The following RAB11FIP3 variants were observed in gnomAD, a reference collection of about 807,000 sequenced individuals.
The protein encoded by RAB11FIP3 is RAB11 family interacting protein 3, also known as rab11 family-interacting protein 3.
RAB11FIP3 carries 17 observed loss-of-function variants against 77.8 expected under a neutral mutation model. That is an observed-to-expected ratio of 0.22 (90% CI 0.15 to 0.33). The LOEUF is 0.33. Among genes scored for constraint, RAB11FIP3 ranks in the 10% least tolerant of loss-of-function variants. The pLI, the probability that RAB11FIP3 is intolerant of heterozygous loss-of-function variation, is 1.00. For missense variants in RAB11FIP3, 1,005 were observed against 1,011.2 expected, an observed-to-expected ratio of 0.99 and a Z score of 0.08; for synonymous variants, 437 against 448.2, an observed-to-expected ratio of 0.98 and a Z score of 0.31.
intron 3 of RAB11FIP3, among the ~76,000 whole-genome samples, chr16:479,620 A>C (rs912068677): frequency 3.3e-5 from 5 of 152,110 alleles, no homozygotes; most frequent in Non-Finnish European, 7.4e-5. Flanking sequence ...CTATTTTATT[A>C]AAATAAAAAA....
chr16:439,778 G>A (rs900424523), intron 1 of RAB11FIP3, among the ~76,000 whole-genome samples: 32 of 151,958 alleles, frequency 2.1e-4, no homozygotes, highest in Non-Finnish European at 3.4e-4. Flanking sequence ...ACAACTCCAA[G>A]CAAAGGCAGG....
chr16:442,638 G>A (rs538534760), intron 1 of RAB11FIP3, among the ~76,000 whole-genome samples: 5 of 152,248 alleles, frequency 3.3e-5, no homozygotes, highest in East Asian at 1.9e-4. Context: ...TTTTTCTGAC[G>A]TAGTGGCAGT....
intron 1 of RAB11FIP3, among the ~76,000 whole-genome samples, chr16:436,363 G>A (rs1367257149): frequency 6.6e-6 from 1 of 152,182 alleles, no homozygotes; most frequent in Non-Finnish European, 1.5e-5. Flanking sequence ...GGAGTGCAGT[G>A]GTGTGATCAT....
rs748071906 is a variant in RAB11FIP3, at chr16:496,894, C to G, written c.1301+35C>G. On this transcript the variant is annotated intron_variant, in intron 6 of 13. Coordinates refer to ENST00000262305, the MANE Select transcript of RAB11FIP3 (RefSeq NM_014700.4). ...TCTCTGGTTCCTGCTGAAAAACGTT[C>G]TGAAGTGGATAATTAATCATAGTTT... 4 of 1,517,318 alleles carry G rather than the reference C, an allele frequency of 2.6e-6. No homozygotes were observed. In the African/African-American group the frequency reaches 4.2e-5, roughly 16 times the overall value. 94.0% of individuals were successfully genotyped at this position (1,517,318 alleles called of 1,614,324 possible).
intron 9 of RAB11FIP3, 65 bp downstream of exon 9, chr16:510,865 C>G: frequency 6.5e-7 from 1 of 1,543,980 alleles, no homozygotes. Context: ...CGGTCCCCAA[C>G]AGCCCGCCAG....
chr16:516,255 T>C (rs1159901232), intron 9 of RAB11FIP3, among the ~76,000 whole-genome samples: 1 of 152,110 alleles, frequency 6.6e-6, no homozygotes, highest in Non-Finnish European at 1.5e-5. Flanking sequence ...GCAGGTTGGA[T>C]TGAATTAGAA....
At chr16:434,061 A>G (rs1032642675) in intron 1 of RAB11FIP3, among the ~76,000 whole-genome samples, 7 of 152,242 alleles carry the variant, frequency 4.6e-5, no homozygotes, top group Non-Finnish European at 1.0e-4. Context: ...ATTGTATAGT[A>G]GTTGACCTAA....
chr16:464,131 T>C (rs1335951535), intron 2 of RAB11FIP3, among the ~76,000 whole-genome samples: 1 of 151,970 alleles, frequency 6.6e-6, no homozygotes, highest in African/African-American at 2.4e-5. Context: ...CAAGGGGGCC[T>C]GCAGAGCAAT....
intron 1 of RAB11FIP3, among the ~76,000 whole-genome samples, chr16:442,636 A>C (rs2055246611): frequency 6.6e-6 from 1 of 151,838 alleles, no homozygotes; most frequent in African/African-American, 2.4e-5. Context: ...TTTTTTTCTG[A>C]CGTAGTGGCA....
chr16:449,699 C>A (rs1189664905), intron 1 of RAB11FIP3, among the ~76,000 whole-genome samples: 1 of 150,664 alleles, frequency 6.6e-6, no homozygotes, highest in African/African-American at 2.4e-5. Flanking sequence ...CAGCTATAAT[C>A]CCAGCACTTT....
At position 425,962 on chromosome 16, in the gene RAB11FIP3, T is replaced by G; in HGVS notation, c.-45T>G. ...GCCCGCCGCCGCGCCCTGAGCGCCT[T>G]TGTCTGCCGCCCGCGCCCTTCCGCA... On this transcript the variant is annotated 5_prime_UTR_variant, in exon 1 of 14. Transcript: ENST00000262305. 4.2e-5 allele frequency: 32 copies of G among 754,136 alleles called. No homozygotes were observed. The highest frequency in any genetic ancestry group is 6.2e-5 in the South Asian group (1 of 16,082). 46.7% of individuals were successfully genotyped at this position (754,136 alleles called of 1,614,324 possible).
chr16:467,241 G>C (rs1200995295), intron 2 of RAB11FIP3, among the ~76,000 whole-genome samples: 1 of 152,220 alleles, frequency 6.6e-6, no homozygotes, highest in African/African-American at 2.4e-5. Context: ...AGGCCACAGG[G>C]AGGCAGGGTC....
At chr16:481,595 C>G (rs1359890769) in intron 3 of RAB11FIP3, among the ~76,000 whole-genome samples, 1 of 138,990 alleles carries the variant, frequency 7.2e-6, no homozygotes, top group Non-Finnish European at 1.6e-5. Context: ...TGCCACCACA[C>G]CTGGGCAAGC....
intron 4 of RAB11FIP3, among the ~76,000 whole-genome samples, chr16:485,934 C>G (rs563900991): frequency 1.3e-5 from 2 of 152,268 alleles, no homozygotes; most frequent in East Asian, 3.9e-4. Flanking sequence ...GACAGTCTTG[C>G]TGTGTCACCC....
At position 480,874 on chromosome 16, in the gene RAB11FIP3, G is replaced by A. The variant is rs1485789301; in HGVS notation, c.904-1651G>A. Among the ~76,000 whole-genome samples the A allele has an allele frequency of 1.8e-5, 2 of 109,892 alleles. 1 individual carries two copies. Among genetic ancestry groups the A allele is most frequent in the Non-Finnish European group, 4.4e-5 (2 of 45,070 alleles). The allele number at this position is 109,892 out of a possible 152,430, so 72.1% of individuals were successfully genotyped here. On this transcript the variant is annotated intron_variant, in intron 3 of 13. Coordinates refer to ENST00000262305, the MANE Select transcript of RAB11FIP3 (RefSeq NM_014700.4). ...TGCCCAGGCTCGAGTGCAATGGAGT[G>A]ATCTCAGCTCACCACAACATCCACC...
intron 5 of RAB11FIP3, among the ~76,000 whole-genome samples, chr16:493,899 G>A (rs1477605787): frequency 7.1e-6 from 1 of 141,706 alleles, no homozygotes; most frequent in African/African-American, 2.7e-5. Context: ...CCTGCCTGGA[G>A]GTATATTATC....
intron 6 of RAB11FIP3, among the ~76,000 whole-genome samples, chr16:498,885 TCTAA>T (rs1305031886): frequency 6.6e-6 from 1 of 152,114 alleles, no homozygotes; most frequent in African/African-American, 2.4e-5. Flanking sequence ...TGCATCTTTT[TCTAA>T]CTGTCTTCTT....
chr16:433,026 ATC>A (rs1426171955), intron 1 of RAB11FIP3, among the ~76,000 whole-genome samples: 3 of 56,982 alleles, frequency 5.3e-5, no homozygotes, highest in Non-Finnish European at 9.9e-5. Flanking sequence ...CTCCATATTT[ATC>A]TTTTTTTTTT....
Position 471,765 on chromosome 16 carries a change from C to T in RAB11FIP3, c.903+376C>T, listed in dbSNP as rs906229170. On this transcript the variant is annotated intron_variant, in intron 3 of 13. Coordinates refer to ENST00000262305, the MANE Select transcript of RAB11FIP3 (RefSeq NM_014700.4). The surrounding 1 kb of genome is among the most constrained non-coding windows in gnomAD (Gnocchi z 4.4). ...TGGGGATGCCTGACTAATGCCTGCC[C>T]CTGCTTGGCTGTCCTCCACCCTGCT... Among the ~76,000 whole-genome samples, 4 of 152,174 alleles carry T rather than the reference C, an allele frequency of 2.6e-5. No homozygotes were observed. The highest frequency in any genetic ancestry group is 5.9e-5 in the Non-Finnish European group (4 of 68,026).
Sources: allele counts gnomAD v4.1 joint callset (sites outside exome capture counted in the v4.1 genomes callset), GRCh38; gene constraint gnomAD v4.1.1; non-coding constraint Gnocchi (gnomAD v3.1); transcripts MANE v1.5; gene names NCBI Gene and HGNC (gene_info 2026-07-23, HGNC 2026-07-21).